Variants in ENOX1 observed in about 807,000 individuals in gnomAD.
ENOX1 encodes ecto-NOX disulfide-thiol exchanger 1, also known as candidate growth-related and time keeping constitutive hydroquinone (NADH) oxidase.
Under a neutral mutation model 82.5 loss-of-function variants are expected in ENOX1, and 42 were observed. The ratio of observed to expected loss-of-function variants is 0.51; its 90% CI spans 0.40 to 0.66. ENOX1 has a LOEUF of 0.66. Ranked by LOEUF, ENOX1 falls within the 30% of genes least tolerant of loss-of-function variation. The pLI, the probability that ENOX1 is intolerant of heterozygous loss-of-function variation, is 0.00. For missense variants in ENOX1, 608 were observed against 811.6 expected (o/e 0.75, Z 3.05); for synonymous variants, 271 against 282.2 (o/e 0.96, Z 0.40).
chr13:43,281,954 T>C lies in ENOX1; in HGVS notation c.1447-12377A>G, dbSNP rs542352373. On this transcript the variant is annotated intron_variant, in intron 12 of 16. Transcript: ENST00000690772. ...TCTAGTCCAAGTGATTATATGAGGA[T>C]TGAAAGAGATTATATCGGGATTAAT... 4.6e-5 allele frequency among the ~76,000 whole-genome samples: 7 copies of C among 152,278 alleles called. No individual in the cohort carries two copies. In the South Asian group the frequency reaches 1.0e-3, roughly 23 times the overall value.
chr13:43,378,927 G>T (rs574764023), intron 5 of ENOX1, among the ~76,000 whole-genome samples: 1 of 152,102 alleles, frequency 6.6e-6, no homozygotes, highest in Admixed American at 6.6e-5. Context: ...ATTGATGGGG[G>T]CACAATATAA....
At position 43,735,353 on chromosome 13, in the gene ENOX1, C is replaced by T. The variant is rs761070622; in HGVS notation, c.-285+51299G>A. On this transcript the variant is annotated intron_variant, in intron 1 of 16. Coordinates refer to ENST00000690772, the MANE Select transcript of ENOX1 (RefSeq NM_001347969.2). ...TATTACAGTATTTACCAAACTGAGA[C>T]AAACAATAAAATTTATTACCACCCA... 2.6e-5 allele frequency among the ~76,000 whole-genome samples: 4 copies of T among 152,044 alleles called. No homozygotes were observed. In the South Asian group the frequency reaches 8.3e-4, roughly 32 times the overall value.
At chr13:43,683,130 C>T (rs1224311680) in intron 1 of ENOX1, among the ~76,000 whole-genome samples, 1 of 152,162 alleles carries the variant, frequency 6.6e-6, no homozygotes, top group Non-Finnish European at 1.5e-5. Context: ...AGACACTCTA[C>T]TGAGAAACTC....
chr13:43,333,914 T>G (rs757782684), intron 9 of ENOX1, among the ~76,000 whole-genome samples: 11 of 152,248 alleles, frequency 7.2e-5, no homozygotes, highest in Non-Finnish European at 1.6e-4. Context: ...TGAGCCACCG[T>G]GCCCAGCCCT....
chr13:43,604,205 C>G (rs1475997324), intron 2 of ENOX1, among the ~76,000 whole-genome samples: 1 of 150,402 alleles, frequency 6.6e-6, no homozygotes, highest in Non-Finnish European at 1.5e-5. Context: ...AGTGTCTGTT[C>G]ACGTCCTTTG....
intron 5 of ENOX1, among the ~76,000 whole-genome samples, chr13:43,387,406 G>A (rs1359028013): frequency 6.6e-6 from 1 of 152,110 alleles, no homozygotes; most frequent in East Asian, 1.9e-4. Context: ...GGGAGCAAAG[G>A]CCTGAAGGCA....
chr13:43,329,757 C>T (rs1252639182), intron 9 of ENOX1, among the ~76,000 whole-genome samples: 1 of 152,110 alleles, frequency 6.6e-6, no homozygotes, highest in Non-Finnish European at 1.5e-5. Flanking sequence ...TAAAATCCCA[C>T]AAAACCCCAA....
At chr13:43,621,914 A>T (rs989360806) in intron 2 of ENOX1, among the ~76,000 whole-genome samples, 8 of 152,200 alleles carry the variant, frequency 5.3e-5, no homozygotes, top group African/African-American at 1.9e-4. Context: ...GTCATTTAAC[A>T]TAACCCCAGA....
chr13:43,564,345 C>T (rs1359386344), intron 2 of ENOX1, among the ~76,000 whole-genome samples: 2 of 151,834 alleles, frequency 1.3e-5, no homozygotes, highest in Non-Finnish European at 2.9e-5. Context: ...GAAAAAAAAT[C>T]CTAAAATTTA....
chr13:43,525,581 C>A (rs879766205), intron 2 of ENOX1, among the ~76,000 whole-genome samples: 8 of 152,082 alleles, frequency 5.3e-5, no homozygotes, highest in Non-Finnish European at 1.0e-4. Flanking sequence ...GCAGCTGCAT[C>A]ATTTTGCATT....
intron 3 of ENOX1, among the ~76,000 whole-genome samples, chr13:43,414,123 A>G (rs1320635250): frequency 6.6e-6 from 1 of 152,166 alleles, no homozygotes; most frequent in African/African-American, 2.4e-5. Context: ...ATTCTTAGGT[A>G]TAAGAATCAG....
intron 11 of ENOX1, among the ~76,000 whole-genome samples, chr13:43,321,478 T>C (rs575219319): frequency 1.8e-4 from 28 of 152,368 alleles, no homozygotes; most frequent in South Asian, 1.7e-3. Flanking sequence ...CCTGACCACT[T>C]TGCAGTCTTG....
intron 1 of ENOX1, among the ~76,000 whole-genome samples, chr13:43,737,843 A>AT (rs1363515153): frequency 2.0e-5 from 3 of 152,146 alleles, no homozygotes; most frequent in African/African-American, 7.2e-5. Flanking sequence ...AGAACACACA[A>AT]TGGGCCCTTA....
chr13:43,536,174 T>G (rs1046700029), intron 2 of ENOX1, among the ~76,000 whole-genome samples: 1 of 152,204 alleles, frequency 6.6e-6, no homozygotes, highest in African/African-American at 2.4e-5. Flanking sequence ...GAAAAATGAA[T>G]CATGTTTTAA....
In ENOX1 at chr13:43,616,204, A is replaced by ATATATATATATATATATATTT. The variant is rs1457149422; in HGVS notation, c.-219+51274_-219+51275insAAATATATATATATATATATA. On this transcript the variant is annotated intron_variant, in intron 2 of 16. Transcript: ENST00000690772. ...TATCTATCTATATATATATATATAT[A>ATATATATATATATATATATTT]TTTTTTTTTTTTTTTTAGGACGGAG... Among the ~76,000 whole-genome samples the ATATATATATATATATATATTT allele has an allele frequency of 7.2e-4, 11 of 15,308 alleles. 2 individuals carry two copies. The highest frequency in any genetic ancestry group is 1.9e-3 in the Non-Finnish European group (9 of 4,796). The allele number at this position is 15,308 out of a possible 152,430, so 10.0% of individuals were successfully genotyped here. A position where few individuals can be genotyped will look rare whatever the true frequency, so the allele number is the denominator to read the frequency against.
At chr13:43,460,218 C>T (rs183520860) in intron 3 of ENOX1, among the ~76,000 whole-genome samples, 1 of 151,074 alleles carries the variant, frequency 6.6e-6, no homozygotes, top group Admixed American at 6.6e-5. Flanking sequence ...GCCATAATAC[C>T]CCTCCTTCAT....
At chr13:43,534,133 G>T (rs529256171) in intron 2 of ENOX1, among the ~76,000 whole-genome samples, 9 of 142,812 alleles carry the variant, frequency 6.3e-5, no homozygotes, top group Non-Finnish European at 1.3e-4. Flanking sequence ...CCTTTCCGTT[G>T]TATGAGTCCA....
chr13:43,623,286 C>T (rs1189411246), intron 2 of ENOX1, among the ~76,000 whole-genome samples: 4 of 152,148 alleles, frequency 2.6e-5, no homozygotes, highest in East Asian at 1.9e-4. Context: ...CTTCTCATCC[C>T]GTTCAAATTG....
At chr13:43,658,873 T>C (rs1030505447) in intron 2 of ENOX1, among the ~76,000 whole-genome samples, 1 of 152,220 alleles carries the variant, frequency 6.6e-6, no homozygotes, top group Non-Finnish European at 1.5e-5. Flanking sequence ...TCTAGTGTTG[T>C]AAAGTTTCAT....
Sources: allele counts gnomAD v4.1 joint callset (sites outside exome capture counted in the v4.1 genomes callset), GRCh38; gene constraint gnomAD v4.1.1; transcripts MANE v1.5; gene names NCBI Gene and HGNC (gene_info 2026-07-23, HGNC 2026-07-21).